Variants in SAP130 observed in about 807,000 individuals in gnomAD.
SAP130 encodes histone deacetylase complex subunit SAP130.
A neutral mutation model predicts 103.2 loss-of-function variants in SAP130; 16 were observed. The ratio of observed to expected loss-of-function variants is 0.16; its 90% CI spans 0.10 to 0.24. The LOEUF (loss-of-function observed/expected upper bound fraction) is 0.24, where lower values mean the gene tolerates loss of function less well. Ranked by LOEUF, SAP130 falls within the 10% of genes least tolerant of loss-of-function variation. The probability of loss-of-function intolerance (pLI) is 1.00; values close to 1 mark genes in which losing one functional copy is unlikely to be tolerated. For missense variants in SAP130, 990 were observed against 1,359.7 expected, an observed-to-expected ratio of 0.73 and a Z score of 4.28; for synonymous variants, 477 against 497.0, an observed-to-expected ratio of 0.96 and a Z score of 0.53.
chr2:127,970,241 T>A (rs1311630346), intron 15 of SAP130, among the ~76,000 whole-genome samples: 91 of 114,144 alleles, frequency 8.0e-4, no homozygotes, highest in South Asian at 5.4e-4. Context: ...AAAAAAAAAA[T>A]TTTAAATTAG....
chr2:127,988,500 A>G (rs1267935385), intron 13 of SAP130, among the ~76,000 whole-genome samples: 1 of 151,644 alleles, frequency 6.6e-6, no homozygotes, highest in Non-Finnish European at 1.5e-5. Context: ...AAACTACATT[A>G]GAGAAATGGC....
chr2:127,975,254 A>G lies in SAP130; in HGVS notation c.2063+2731T>C, dbSNP rs1346422416. Reference sequence around the variant, plus strand: ...GGCATCCTAGTGATAAACCAATGTGAAATTTTAAGAAAATGGAAGACTGAA... The same window carrying G: ...GGCATCCTAGTGATAAACCAATGTGGAATTTTAAGAAAATGGAAGACTGAA... On this transcript the variant is annotated intron_variant, in intron 15 of 20. Coordinates refer to ENST00000643581, the MANE Select transcript of SAP130 (RefSeq NM_001330301.2). Among the ~76,000 whole-genome samples the G allele has an allele frequency of 3.9e-5, 6 of 152,362 alleles. No individual in the cohort carries two copies. The East Asian group carries it at 1.2e-3, about 29-fold the overall frequency.
At chr2:127,997,631 T>C (rs1683261749) in intron 10 of SAP130, among the ~76,000 whole-genome samples, 1 of 151,930 alleles carries the variant, frequency 6.6e-6, no homozygotes, top group Admixed American at 6.6e-5. Flanking sequence ...ATCAGGGAGG[T>C]AAGCAGTGGG....
intron 7 of SAP130, among the ~76,000 whole-genome samples, chr2:128,007,870 C>T (rs1684080777): frequency 6.6e-6 from 1 of 152,164 alleles, no homozygotes; most frequent in African/African-American, 2.4e-5. Context: ...CCCATTATCT[C>T]TAGCACAGAC....
chr2:127,984,556 G>GGAA (rs1210430597), intron 14 of SAP130, among the ~76,000 whole-genome samples: 7 of 152,166 alleles, frequency 4.6e-5, no homozygotes, highest in Admixed American at 2.0e-4. Flanking sequence ...CTGTCCTTAA[G>GGAA]GAAGCCCTAG....
At chr2:128,001,709 G>A (rs1683574249) in intron 7 of SAP130, among the ~76,000 whole-genome samples, 1 of 152,082 alleles carries the variant, frequency 6.6e-6, no homozygotes, top group African/African-American at 2.4e-5. Flanking sequence ...CATAGCCTCG[G>A]TGTGTAGTAG....
chr2:127,942,268 CAGAGAA>C lies in SAP130; in HGVS notation c.3016-110_3016-105del. ...AGAGGCCATGTTGAGGCTTCCACAA[CAGAGAA>C]AATGTCTTTTTGTTTCTCAGGAGTG... On this transcript the variant is annotated intron_variant, in intron 20 of 20. Transcript: ENST00000643581. The surrounding 1 kb of genome is among the most constrained non-coding windows in gnomAD (Gnocchi z 4.8). The C allele has an allele frequency of 8.3e-7, 1 of 1,199,292 alleles. No individual in the cohort carries two copies. Among genetic ancestry groups the C allele is most frequent in the Non-Finnish European group, 1.2e-6 (1 of 841,024 alleles). 74.3% of individuals were successfully genotyped at this position (1,199,292 alleles called of 1,614,324 possible).
In SAP130 at chr2:127,955,096, G is replaced by T. The variant is rs756358720; in HGVS notation, c.2312C>A (p.Pro771His). ...PPITTIAAAPPPSVTVGGSLS... is the reference protein window; with the variant it reads ...PPITTIAAAPHPSVTVGGSLS... The stretch of plus-strand genomic sequence containing the variant: ...ACTGCCACCCACAGTGACTGATGGA[G>T]GTGGTGCAGCTGCAATGGTGGTGAT... The change falls in exon 16 of 21, where the codon CCT becomes CAT. Residue 771 changes from proline to histidine, a missense_variant. Transcript: ENST00000643581. This position sits in a 1 kb window ranked among gnomAD's most constrained non-coding sequence, Gnocchi z 4.9. 6.2e-7 allele frequency: 1 copy of T among 1,614,208 alleles called. No homozygotes were observed. The highest frequency in any genetic ancestry group is 2.2e-5 in the East Asian group (1 of 44,882).
intron 11 of SAP130, among the ~76,000 whole-genome samples, chr2:127,994,782 A>C (rs980639171): frequency 2.6e-5 from 4 of 152,166 alleles, no homozygotes; most frequent in African/African-American, 9.7e-5. Flanking sequence ...AAAACAAATG[A>C]AAATGATAAG....
At chr2:128,000,638 A>G (rs1232199468) in intron 7 of SAP130, among the ~76,000 whole-genome samples, 184 bp from the exon 8 acceptor site, 1 of 152,178 alleles carries the variant, frequency 6.6e-6, no homozygotes, top group Non-Finnish European at 1.5e-5. Flanking sequence ...AAAGGCATCA[A>G]TTTGTACCAC....
At chr2:127,980,244 C>A (rs539013791) in intron 14 of SAP130, among the ~76,000 whole-genome samples, 2 of 152,158 alleles carry the variant, frequency 1.3e-5, no homozygotes, top group South Asian at 4.2e-4. Flanking sequence ...AAAAGCAAGA[C>A]CAACTGCATT....
chr2:127,979,327 C>G (rs1681697301), intron 14 of SAP130, among the ~76,000 whole-genome samples: 1 of 152,148 alleles, frequency 6.6e-6, no homozygotes, highest in Non-Finnish European at 1.5e-5. Context: ...AGATTTCTAG[C>G]TACTGGAACT....
chr2:128,010,150 G>C (rs1459869121), intron 7 of SAP130, 119 bp downstream of exon 7: 5 of 1,086,488 alleles, frequency 4.6e-6, no homozygotes, highest in Non-Finnish European at 6.4e-6. Context: ...ACACTACATA[G>C]CTCATTATAA....
chr2:127,997,347 T>C (rs1683244950), intron 10 of SAP130, among the ~76,000 whole-genome samples: 1 of 152,152 alleles, frequency 6.6e-6, no homozygotes, highest in Admixed American at 6.5e-5. Flanking sequence ...ATCAGAAATA[T>C]AGACAGACAG....
In SAP130 at chr2:127,985,807, G is replaced by A. The variant is rs757322282; in HGVS notation, c.1958+978C>T. Among the ~76,000 whole-genome samples the A allele has an allele frequency of 5.3e-5, 8 of 151,862 alleles. No homozygotes were observed. The South Asian group carries it at 1.0e-3, about 20-fold the overall frequency. ...TGATCCTGTGCCTGTAAAAACCTCC[G>A]AGACCCTAGCAGACAGGCACACAAG... On this transcript the variant is annotated intron_variant, in intron 14 of 20. Transcript: ENST00000643581.
intron 15 of SAP130, among the ~76,000 whole-genome samples, chr2:127,971,191 C>G (rs1202944723): frequency 6.6e-6 from 1 of 152,076 alleles, no homozygotes; most frequent in Non-Finnish European, 1.5e-5. Context: ...GGGCTCCCCC[C>G]ATCTGTTGAC....
intron 15 of SAP130, among the ~76,000 whole-genome samples, chr2:127,975,021 T>A: frequency 6.6e-6 from 1 of 152,114 alleles, no homozygotes; most frequent in East Asian, 1.9e-4. Context: ...AACAATGAAA[T>A]TGCCTAGGGA....
At chr2:127,947,755 T>C (rs989268400) in intron 18 of SAP130, among the ~76,000 whole-genome samples, 1 of 122,168 alleles carries the variant, frequency 8.2e-6, no homozygotes, top group Admixed American at 8.5e-5. Flanking sequence ...AATTTTGTAT[T>C]GTGTGTGTCT....
intron 6 of SAP130, among the ~76,000 whole-genome samples, chr2:128,011,268 G>A (rs1292603837): frequency 1.3e-5 from 2 of 152,278 alleles, no homozygotes; most frequent in East Asian, 1.9e-4. Flanking sequence ...TATCCTTTCT[G>A]GATGTTTTCA....
Sources: gnomAD v4.1 joint callset for allele counts (sites outside exome capture counted in the v4.1 genomes callset) on GRCh38, gnomAD v4.1.1 for gene constraint, Gnocchi (gnomAD v3.1) non-coding constraint, MANE v1.5 for transcripts, NCBI Gene and HGNC (gene_info 2026-07-23, HGNC 2026-07-21) for gene names.